LRP6: variants seen among roughly 807,000 people sequenced by gnomAD.
The protein encoded by LRP6 is LDL receptor related protein 6, also known as low-density lipoprotein receptor-related protein 6.
A neutral mutation model predicts 184.1 loss-of-function variants in LRP6; 43 were observed. That is an observed-to-expected ratio of 0.23 (90% confidence interval 0.18 to 0.30). The LOEUF (loss-of-function observed/expected upper bound fraction) is 0.30. LRP6 is among the 10% of genes least tolerant of loss of function. LRP6 has a pLI of 1.00. For synonymous variants in LRP6, 719 were observed against 684.9 expected (o/e 1.05, Z -0.78); for missense variants, 1,571 against 2,005.3 (o/e 0.78, Z 4.14).
At position 12,118,210 on chromosome 12, in the gene LRP6, CTCTT is replaced by C. The variant is rs529383516; in HGVS notation, c.*2912_*2915del. ...AGTCAGAAAATTCTATCCACCAACT[CTCTT>C]TGTTTCCCTGTGAATGTGCTATTAT... On this transcript the variant is annotated 3_prime_UTR_variant, in exon 23 of 23. Coordinates refer to ENST00000261349, the MANE Select transcript of LRP6 (RefSeq NM_002336.3). The C allele has an allele frequency of 1.1e-3, 162 of 152,308 alleles. 1 individual carries two copies. Among genetic ancestry groups the C allele is most frequent in the African/African-American group, 3.6e-3 (151 of 41,574 alleles). 9.4% of individuals were successfully genotyped at this position (152,308 alleles called of 1,614,324 possible). A position where few individuals can be genotyped will look rare whatever the true frequency, so the allele number is the denominator to read the frequency against.
At chr12:12,165,787 G>A (rs1013982247) in intron 7 of LRP6, among the ~76,000 whole-genome samples, 1 of 152,032 alleles carries the variant, frequency 6.6e-6, no homozygotes, top group Non-Finnish European at 1.5e-5. Flanking sequence ...CACTTAGCAT[G>A]CTTTTTATTT....
At chr12:12,130,269 C>T (rs1949731036) in intron 19 of LRP6, among the ~76,000 whole-genome samples, 1 of 150,044 alleles carries the variant, frequency 6.7e-6, no homozygotes, top group Admixed American at 6.6e-5. Context: ...TCAATGCAAC[C>T]TCCGCCTCCT....
chr12:12,155,870 A>G (rs1463576084), intron 12 of LRP6: 2 of 613,182 alleles, frequency 3.3e-6, no homozygotes, highest in South Asian at 1.9e-5. Context: ...AAAACAGCGT[A>G]TGTGTTTTTC....
chr12:12,235,973 C>T (rs35752672), intron 2 of LRP6, among the ~76,000 whole-genome samples: 5 of 152,054 alleles, frequency 3.3e-5, no homozygotes, highest in Non-Finnish European at 5.9e-5. Context: ...CGCCTGTAAT[C>T]CCAGCACTTT....
chr12:12,257,811 T>G (rs201074286), intron 1 of LRP6, among the ~76,000 whole-genome samples: 3 of 32,280 alleles, frequency 9.3e-5, no homozygotes, highest in Non-Finnish European at 7.6e-5. Context: ...AAAAAAAAAA[T>G]TAAAAATGAG....
chr12:12,188,391 G>T (rs543490532), intron 3 of LRP6, among the ~76,000 whole-genome samples: 1 of 152,006 alleles, frequency 6.6e-6, no homozygotes, highest in African/African-American at 2.4e-5. Flanking sequence ...AAAGAAAAAT[G>T]AAGGGAAAAG....
At chr12:12,161,562 C>T (rs551609330) in intron 10 of LRP6, among the ~76,000 whole-genome samples, 12 of 152,296 alleles carry the variant, frequency 7.9e-5, no homozygotes, top group African/African-American at 2.6e-4. Context: ...TGAGCCACCA[C>T]GCCCGGCCTG....
intron 22 of LRP6, 81 bp from the exon 23 acceptor site, chr12:12,121,501 T>A: frequency 7.8e-7 from 1 of 1,281,516 alleles, no homozygotes; most frequent in Non-Finnish European, 1.1e-6. Flanking sequence ...AGGTATTAGA[T>A]GTCAACTACC....
intron 15 of LRP6, among the ~76,000 whole-genome samples, chr12:12,141,854 T>C (rs1406352904): frequency 1.3e-5 from 2 of 152,228 alleles, no homozygotes; most frequent in Non-Finnish European, 2.9e-5. Context: ...TAATTAAGTC[T>C]AGACTTAAAA....
intron 3 of LRP6, among the ~76,000 whole-genome samples, chr12:12,192,489 A>C (rs898816347): frequency 5.1e-4 from 77 of 152,146 alleles, no homozygotes; most frequent in African/African-American, 1.6e-3. Flanking sequence ...GTTAGACTGA[A>C]TAAAGCAAAG....
rs888396749 is a variant in LRP6, at chr12:12,117,581, G to A, written c.*3545C>T. The A allele has an allele frequency of 1.3e-5, 2 of 152,182 alleles. No individual in the cohort carries two copies. The highest frequency in any genetic ancestry group is 4.8e-5 in the African/African-American group (2 of 41,446). 9.4% of individuals were successfully genotyped at this position (152,182 alleles called of 1,614,324 possible). On this transcript the variant is annotated 3_prime_UTR_variant, in exon 23 of 23. Coordinates refer to ENST00000261349, the MANE Select transcript of LRP6 (RefSeq NM_002336.3). ...TGACATTTCTAAGAATCTAATCTAG[G>A]CAGCTGCAGCCTGTTTACTGCATAG...
intron 2 of LRP6, among the ~76,000 whole-genome samples, chr12:12,228,834 A>G (rs1864699039): frequency 6.6e-6 from 1 of 152,066 alleles, no homozygotes; most frequent in Admixed American, 6.5e-5. Flanking sequence ...CCCTGGTGCC[A>G]AAAAGTTTAG....
chr12:12,135,792 C>A (rs1288112506), intron 16 of LRP6, among the ~76,000 whole-genome samples: 1 of 151,892 alleles, frequency 6.6e-6, no homozygotes, highest in East Asian at 1.9e-4. Context: ...TCTATCTAAC[C>A]ACTGTCCTTA....
At chr12:12,160,641 T>G (rs940549307) in intron 10 of LRP6, among the ~76,000 whole-genome samples, 1 of 152,226 alleles carries the variant, frequency 6.6e-6, no homozygotes, top group Non-Finnish European at 1.5e-5. Context: ...TGCTGTTATT[T>G]TCCATTTTTG....
intron 1 of LRP6, among the ~76,000 whole-genome samples, chr12:12,259,521 T>A (rs370348222): frequency 2.6e-5 from 4 of 152,228 alleles, no homozygotes; most frequent in East Asian, 3.9e-4. Context: ...CATCAAAGTA[T>A]CAATAATTTT....
At chr12:12,158,347 A>C (rs1862650879) in intron 12 of LRP6, among the ~76,000 whole-genome samples, 1 of 152,022 alleles carries the variant, frequency 6.6e-6, no homozygotes, top group South Asian at 2.1e-4. Context: ...TTTTTTGAAG[A>C]AAGAATCTCT....
At chr12:12,131,681 A>C in intron 18 of LRP6, 140 bp downstream of exon 18, 1 of 766,516 alleles carries the variant, frequency 1.3e-6, no homozygotes, top group Non-Finnish European at 2.4e-6. Flanking sequence ...ATAATATGGA[A>C]CATGGCACTA....
intron 15 of LRP6, among the ~76,000 whole-genome samples, chr12:12,139,276 A>G (rs565929564): frequency 2.6e-5 from 4 of 152,352 alleles, no homozygotes; most frequent in South Asian, 2.1e-4. Context: ...AAGTTTCAGG[A>G]AAGAGGCAAG....
In LRP6 at chr12:12,121,040, A is replaced by G; in HGVS notation, c.*86T>C. ...TACATGGTCTGCCTCATCCTTCTCTAATAGCTCCCTCCCCCCCTCCAGATC... is the reference window on the plus strand; with the variant it reads ...TACATGGTCTGCCTCATCCTTCTCTGATAGCTCCCTCCCCCCCTCCAGATC... On this transcript the variant is annotated 3_prime_UTR_variant, in exon 23 of 23. Transcript: ENST00000261349. 8.1e-7 allele frequency: 1 copy of G among 1,239,468 alleles called. No individual in the cohort carries two copies. The highest frequency in any genetic ancestry group is 1.6e-5 in the South Asian group (1 of 63,682). 76.8% of individuals were successfully genotyped at this position (1,239,468 alleles called of 1,614,324 possible). A position where few individuals can be genotyped will look rare whatever the true frequency, so the allele number is the denominator to read the frequency against.
Sources: allele counts gnomAD v4.1 joint callset (sites outside exome capture counted in the v4.1 genomes callset), GRCh38; gene constraint gnomAD v4.1.1; transcripts MANE v1.5; gene names NCBI Gene and HGNC (gene_info 2026-07-23, HGNC 2026-07-21).